The following RAB2A variants were observed in gnomAD, a reference collection of about 807,000 sequenced individuals.
The protein encoded by RAB2A is RAB2A, member RAS oncogene family, also known as ras-related protein Rab-2A.
RAB2A carries 7 observed loss-of-function variants against 32.5 expected under a neutral mutation model. The observed-to-expected ratio is 0.22, with a 90% CI of 0.12 to 0.40. The LOEUF is 0.40. RAB2A is among the 10% of genes least tolerant of loss of function. The pLI is 1.00. For missense variants in RAB2A, 108 were observed against 260.7 expected (o/e 0.41, Z 4.03); for synonymous variants, 79 against 85.2 (o/e 0.93, Z 0.40).
At chr8:60,596,708 G>A (rs535003419) in intron 6 of RAB2A, among the ~76,000 whole-genome samples, 5 of 152,160 alleles carry the variant, frequency 3.3e-5, no homozygotes, top group Admixed American at 2.6e-4. Flanking sequence ...GGATCACAAG[G>A]TCAGGAGATG....
At chr8:60,607,673 G>A (rs566107689) in intron 6 of RAB2A, among the ~76,000 whole-genome samples, 8 of 152,258 alleles carry the variant, frequency 5.3e-5, no homozygotes, top group African/African-American at 1.9e-4. Context: ...TAGATCTGTG[G>A]TGTGGCCTGG....
At chr8:60,523,932 C>T (rs923696575) in intron 1 of RAB2A, among the ~76,000 whole-genome samples, 1 of 152,046 alleles carries the variant, frequency 6.6e-6, no homozygotes, top group Admixed American at 6.5e-5. Flanking sequence ...CCTCGTGATC[C>T]GCCTGCCTCG....
intron 1 of RAB2A, among the ~76,000 whole-genome samples, chr8:60,554,542 T>C (rs146127067): frequency 6.6e-6 from 1 of 152,336 alleles, no homozygotes; most frequent in African/African-American, 2.4e-5. Context: ...GTTTGAGTTT[T>C]GGAGCTGAAG....
chr8:60,598,087 A>G (rs1443810882), intron 6 of RAB2A, among the ~76,000 whole-genome samples: 1 of 152,182 alleles, frequency 6.6e-6, no homozygotes, highest in Non-Finnish European at 1.5e-5. Flanking sequence ...AATCCCGGCT[A>G]CTCGGGAGGC....
intron 1 of RAB2A, among the ~76,000 whole-genome samples, chr8:60,555,301 T>A (rs1348156375): frequency 6.6e-6 from 1 of 152,108 alleles, no homozygotes; most frequent in African/African-American, 2.4e-5. Flanking sequence ...AGGACATTGG[T>A]CAAGGCAAAG....
intron 1 of RAB2A, among the ~76,000 whole-genome samples, chr8:60,551,406 A>AT (rs1807845344): frequency 6.6e-6 from 1 of 152,224 alleles, no homozygotes; most frequent in East Asian, 1.9e-4. Context: ...GTGTTTTACT[A>AT]TTGATGGTAG....
At chr8:60,595,962 A>T (rs559645434) in intron 6 of RAB2A, among the ~76,000 whole-genome samples, 16 of 152,254 alleles carry the variant, frequency 1.1e-4, no homozygotes, top group Non-Finnish European at 2.1e-4. Flanking sequence ...GAAACTAAAC[A>T]GTACGCTTCT....
chr8:60,526,056 T>TATATATATATATATA (rs1372267520), intron 1 of RAB2A, among the ~76,000 whole-genome samples: 56 of 125,534 alleles, frequency 4.5e-4, no homozygotes, highest in South Asian at 1.0e-3. Context: ...TATATATATA[T>TATATATATATATATA]AAGTTTTCTG....
intron 3 of RAB2A, chr8:60,576,196 A>G (rs1268703270): frequency 6.6e-6 from 3 of 456,050 alleles, no homozygotes; most frequent in Non-Finnish European, 1.3e-5. Flanking sequence ...TCATTTATTA[A>G]AAGCCAAAGC....
chr8:60,610,927 A>G (rs1474634612), intron 6 of RAB2A, among the ~76,000 whole-genome samples: 1 of 152,232 alleles, frequency 6.6e-6, no homozygotes, highest in East Asian at 1.9e-4. Flanking sequence ...ACGTGTCTAA[A>G]AGAAATTTTT....
At chr8:60,533,088 A>G (rs1233988756) in intron 1 of RAB2A, among the ~76,000 whole-genome samples, 1 of 152,254 alleles carries the variant, frequency 6.6e-6, no homozygotes, top group Non-Finnish European at 1.5e-5. Context: ...TGCTTGTAAA[A>G]TAACCGTACA....
chr8:60,584,659 A>G, intron 4 of RAB2A, 64 bp from the exon 5 acceptor site: 1 of 1,333,834 alleles, frequency 7.5e-7, no homozygotes, highest in Non-Finnish European at 1.1e-6. Context: ...AAATATGTAT[A>G]TTGTTCGTTG....
intron 1 of RAB2A, among the ~76,000 whole-genome samples, chr8:60,536,038 T>G (rs757549390): frequency 7.9e-5 from 12 of 152,234 alleles, no homozygotes; most frequent in Non-Finnish European, 1.6e-4. Flanking sequence ...GCTGTTAGCC[T>G]TCTTGTGCGT....
intron 1 of RAB2A, among the ~76,000 whole-genome samples, chr8:60,542,842 A>G (rs1586071019): frequency 6.6e-6 from 1 of 152,210 alleles, no homozygotes; most frequent in Non-Finnish European, 1.5e-5. Context: ...CAGGAGAAAG[A>G]TCTTTTACAT....
chr8:60,538,188 AAGATTTAAATC>A (rs1807585911), intron 1 of RAB2A, among the ~76,000 whole-genome samples: 1 of 152,222 alleles, frequency 6.6e-6, no homozygotes, highest in Non-Finnish European at 1.5e-5. Flanking sequence ...CCAACTTTTT[AAGATTTAAATC>A]ATATCTAGCT....
At chr8:60,585,596 A>T (rs1053629323) in intron 5 of RAB2A, among the ~76,000 whole-genome samples, 3 of 152,216 alleles carry the variant, frequency 2.0e-5, no homozygotes, top group Non-Finnish European at 4.4e-5. Context: ...TATAGGCATA[A>T]GCCACCACAC....
intron 1 of RAB2A, among the ~76,000 whole-genome samples, chr8:60,546,891 C>CTTT (rs6150606): frequency 3.3e-3 from 322 of 98,774 alleles, no homozygotes; most frequent in African/African-American, 7.9e-3. Flanking sequence ...TTTTTTGGGT[C>CTTT]TTTTTTTTTT....
intron 1 of RAB2A, among the ~76,000 whole-genome samples, chr8:60,555,427 A>G (rs1807922179): frequency 6.6e-6 from 1 of 152,002 alleles, no homozygotes; most frequent in South Asian, 2.1e-4. Context: ...AACAATCAAT[A>G]GAGTGAAAAC....
At chr8:60,525,049 T>C (rs980885408) in intron 1 of RAB2A, among the ~76,000 whole-genome samples, 1 of 152,238 alleles carries the variant, frequency 6.6e-6, no homozygotes, top group Admixed American at 6.5e-5. Flanking sequence ...TACATGAGAT[T>C]ACTGTTTTAC....
Sources: allele counts gnomAD v4.1 joint callset (sites outside exome capture counted in the v4.1 genomes callset), GRCh38; gene constraint gnomAD v4.1.1; transcripts MANE v1.5; gene names NCBI Gene and HGNC (gene_info 2026-07-23, HGNC 2026-07-21).